Variants in NUGGC observed in about 807,000 individuals in gnomAD.
NUGGC encodes the protein nuclear GTPase SLIP-GC.
NUGGC carries 58 observed loss-of-function variants against 92.6 expected under a neutral mutation model. The observed-to-expected ratio is 0.63, with a 90% CI of 0.51 to 0.78. The LOEUF (loss-of-function observed/expected upper bound fraction) is 0.78. NUGGC is among the 30% of genes least tolerant of loss of function. The probability of loss-of-function intolerance (pLI) is 0.00; values close to 1 mark genes in which losing one functional copy is unlikely to be tolerated. For missense variants in NUGGC, 925 were observed against 964.6 expected, an observed-to-expected ratio of 0.96 and a Z score of 0.54; for synonymous variants, 376 against 366.4, an observed-to-expected ratio of 1.03 and a Z score of -0.30.
At chr8:28,028,096 CTA>C (rs1809315534) in intron 17 of NUGGC, among the ~76,000 whole-genome samples, 1 of 151,708 alleles carries the variant, frequency 6.6e-6, no homozygotes, top group East Asian at 1.9e-4. Flanking sequence ...TGGGAACACT[CTA>C]TGGTCTTGCC....
At chr8:28,082,099 C>T (rs1810865917) in intron 1 of NUGGC, among the ~76,000 whole-genome samples, 1 of 152,156 alleles carries the variant, frequency 6.6e-6, no homozygotes. Flanking sequence ...ACTGCTCTTC[C>T]AAACTAGGGA....
rs370171377 is a variant in NUGGC at position 28,044,463 on chromosome 8, C to T, written c.1446+1064G>A. Among the ~76,000 whole-genome samples, 114 of 152,236 alleles carry T rather than the reference C, an allele frequency of 7.5e-4. 2 individuals carry two copies. Among genetic ancestry groups the T allele is most frequent in the African/African-American group, 2.7e-3 (112 of 41,542 alleles). On this transcript the variant is annotated intron_variant, in intron 12 of 18. Coordinates refer to ENST00000413272, the MANE Select transcript of NUGGC (RefSeq NM_001010906.2). ...GGACAAAAGGAAAGGCTTCGGGGTG[C>T]CCTGATTGGAGGCTGTTGGCCTGGG...
chr8:28,060,278 G>C (rs764455281), intron 8 of NUGGC, 148 bp downstream of exon 8: 62 of 824,360 alleles, frequency 7.5e-5, no homozygotes, highest in Non-Finnish European at 2.4e-5. Flanking sequence ...GTCCCAGGAA[G>C]TCACCCAGCC....
At chr8:28,035,148 A>G (rs1029302893) in intron 13 of NUGGC, among the ~76,000 whole-genome samples, 3 of 152,196 alleles carry the variant, frequency 2.0e-5, no homozygotes, top group African/African-American at 7.2e-5. Flanking sequence ...AACTCTCAAC[A>G]GGGTGATCTC....
intron 9 of NUGGC, among the ~76,000 whole-genome samples, chr8:28,056,427 G>A (rs771696596): frequency 1.3e-5 from 2 of 151,084 alleles, no homozygotes; most frequent in African/African-American, 4.9e-5. Context: ...GCAGTGAGTC[G>A]AGATCGCGCC....
intron 10 of NUGGC, among the ~76,000 whole-genome samples, chr8:28,051,061 C>T (rs369926262): frequency 7.2e-5 from 11 of 152,048 alleles, no homozygotes; most frequent in South Asian, 2.1e-4. Flanking sequence ...TGGCCTCATA[C>T]GATCCTCCCA....
chr8:28,031,743 G>T (rs1809423377), intron 14 of NUGGC, among the ~76,000 whole-genome samples: 1 of 152,214 alleles, frequency 6.6e-6, no homozygotes, highest in Admixed American at 6.5e-5. Context: ...GGTGGAACTT[G>T]AACTATACCT....
rs553664719 is a variant in NUGGC at position 28,039,350 on chromosome 8, A to G, written c.1611+1701T>C. Among the ~76,000 whole-genome samples, 4 of 151,662 alleles carry G rather than the reference A, an allele frequency of 2.6e-5. No individual in the cohort carries two copies. In the East Asian group the frequency reaches 7.7e-4, roughly 29 times the overall value. On this transcript the variant is annotated intron_variant, in intron 13 of 18. Coordinates refer to ENST00000413272, the MANE Select transcript of NUGGC (RefSeq NM_001010906.2). ...CAGGTTCAAGTGATTCTCCTGTCTC[A>G]GCTTCCCCAGTAGCTGCGATTACAG...
chr8:28,024,145 C>G (rs1809190675), intron 18 of NUGGC, among the ~76,000 whole-genome samples: 1 of 151,786 alleles, frequency 6.6e-6, no homozygotes, highest in South Asian at 2.1e-4. Flanking sequence ...CTCAGACACC[C>G]AACTAGCTGG....
chr8:28,029,263 T>C lies in NUGGC; in HGVS notation c.2154+3A>G. On this transcript the variant is annotated splice_donor_region_variant and intron_variant, in intron 17 of 18. Transcript: ENST00000413272. ...TAGGATCCAGGATGTGGGCATAGAGTACCTTCAGCTGCTGAAACTGGTGCT... is the reference window on the plus strand; with the variant it reads ...TAGGATCCAGGATGTGGGCATAGAGCACCTTCAGCTGCTGAAACTGGTGCT... 3 of 1,602,932 alleles carry C rather than the reference T, an allele frequency of 1.9e-6. No individual in the cohort carries two copies. Among genetic ancestry groups the C allele is most frequent in the Non-Finnish European group, 2.6e-6 (3 of 1,174,638 alleles).
intron 1 of NUGGC, among the ~76,000 whole-genome samples, chr8:28,078,839 G>T (rs539811053): frequency 8.5e-5 from 13 of 152,296 alleles, no homozygotes; most frequent in African/African-American, 3.1e-4. Flanking sequence ...GGGAAGGAAT[G>T]GTGGTGTTCA....
chr8:28,028,466 G>C (rs1809325874), intron 17 of NUGGC, among the ~76,000 whole-genome samples: 1 of 152,208 alleles, frequency 6.6e-6, no homozygotes, highest in African/African-American at 2.4e-5. Flanking sequence ...AAGAAGGCTG[G>C]TTCTGAGGTG....
In NUGGC at chr8:28,074,390, A is replaced by G; in HGVS notation, c.21T>C (p.Val7=). 3 of 1,613,724 alleles carry G rather than the reference A, an allele frequency of 1.9e-6. No homozygotes were observed. The highest frequency in any genetic ancestry group is 2.5e-6 in the Non-Finnish European group (3 of 1,179,722). The part of the protein sequence containing the change: MAETKD[V]FGQEPHPVED... ...TACCTGGATGCGGTTCCTGGCCAAAAACATCCTTCGTTTCTGCCATTCCTT... is the reference window on the plus strand; with the variant it reads ...TACCTGGATGCGGTTCCTGGCCAAAGACATCCTTCGTTTCTGCCATTCCTT... Residue 7 remains valine, a synonymous_variant, in exon 2 of 19, where the codon GTT becomes GTC. Coordinates refer to ENST00000413272, the MANE Select transcript of NUGGC (RefSeq NM_001010906.2).
chr8:28,041,649 T>C (rs1657045068), intron 12 of NUGGC, among the ~76,000 whole-genome samples: 1 of 152,206 alleles, frequency 6.6e-6, no homozygotes, highest in Non-Finnish European at 1.5e-5. Context: ...TTAACATGCA[T>C]ACAAATCAAC....
At chr8:28,043,572 G>A (rs146467478) in intron 12 of NUGGC, among the ~76,000 whole-genome samples, 2 of 152,268 alleles carry the variant, frequency 1.3e-5, no homozygotes, top group Admixed American at 6.5e-5. Context: ...TTGCAGAATT[G>A]CCAGTCAGCC....
intron 14 of NUGGC, among the ~76,000 whole-genome samples, chr8:28,033,087 G>C (rs1204886906): frequency 1.3e-5 from 2 of 152,120 alleles, no homozygotes; most frequent in Non-Finnish European, 2.9e-5. Context: ...CTGAGTCCAG[G>C]AGTTTGAGGC....
intron 16 of NUGGC, 71 bp from the exon 17 acceptor site, chr8:28,029,473 G>T: frequency 6.5e-7 from 1 of 1,534,876 alleles, no homozygotes; most frequent in Non-Finnish European, 8.9e-7. Flanking sequence ...CCATGGCCGG[G>T]CATGGTGGCT....
intron 18 of NUGGC, among the ~76,000 whole-genome samples, chr8:28,025,409 C>T (rs753164795): frequency 6.6e-5 from 10 of 152,304 alleles, no homozygotes; most frequent in South Asian, 2.1e-4. Context: ...CTGTCAAGTG[C>T]ACCTGCTATA....
chr8:28,060,238 T>C (rs1379273188), intron 8 of NUGGC, 188 bp downstream of exon 8: 1 of 705,466 alleles, frequency 1.4e-6, no homozygotes. Context: ...AGGTTCAGAT[T>C]CCTAAGACAA....
Sources: allele counts gnomAD v4.1 joint callset (sites outside exome capture counted in the v4.1 genomes callset), GRCh38; gene constraint gnomAD v4.1.1; transcripts MANE v1.5; gene names NCBI Gene and HGNC (gene_info 2026-07-23, HGNC 2026-07-21).